NOL10: variants seen among roughly 807,000 people sequenced by gnomAD.
NOL10 encodes the protein nucleolar protein 10.
Under a neutral mutation model 103.5 loss-of-function variants are expected in NOL10, and 58 were observed. That is an observed-to-expected ratio of 0.56 (90% confidence interval 0.45 to 0.70). NOL10 has a LOEUF of 0.70. Ranked by LOEUF, NOL10 falls within the 30% of genes least tolerant of loss-of-function variation. The probability of loss-of-function intolerance (pLI) is 0.00; values close to 1 mark genes in which losing one functional copy is unlikely to be tolerated. For missense variants in NOL10, 763 were observed against 807.3 expected, an observed-to-expected ratio of 0.95 and a Z score of 0.67; for synonymous variants, 287 against 282.5, an observed-to-expected ratio of 1.02 and a Z score of -0.16.
chr2:10,629,954 A>AT (rs1443606908), intron 13 of NOL10, among the ~76,000 whole-genome samples: 1 of 152,140 alleles, frequency 6.6e-6, no homozygotes, highest in African/African-American at 2.4e-5. Flanking sequence ...TGCCCAGCTA[A>AT]TTTTTTAAAA....
chr2:10,646,022 T>A (rs1338510516), intron 12 of NOL10, among the ~76,000 whole-genome samples: 1 of 151,908 alleles, frequency 6.6e-6, no homozygotes, highest in African/African-American at 2.4e-5. Flanking sequence ...AAGAATAATG[T>A]CTAAATTAAA....
rs748647508 is a variant in NOL10 at position 10,659,198 on chromosome 2, T to C, written c.730A>G (p.Met244Val). 5 of 1,605,100 alleles carry C rather than the reference T, an allele frequency of 3.1e-6. No homozygotes were observed. Among genetic ancestry groups the C allele is most frequent in the Admixed American group, 1.7e-5 (1 of 58,746 alleles). ...SALKFNGALT[M>V]AVGTTTGQVL... ...TGCCCTGTGGTTGTTCCAACTGCCA[T>C]GGTCAAGGCACCATTAAATTTCAAA... The change falls in exon 10 of 21, where the codon ATG becomes GTG. Residue 244 changes from methionine (M) to valine (V), a missense_variant. Transcript: ENST00000381685.
chr2:10,657,729 C>T lies in NOL10; in HGVS notation c.906+13G>A. 6.5e-7 allele frequency: 1 copy of T among 1,543,152 alleles called. No homozygotes were observed. Among genetic ancestry groups the T allele is most frequent in the Non-Finnish European group, 8.7e-7 (1 of 1,142,918 alleles). On this transcript the variant is annotated intron_variant, in intron 11 of 20. Coordinates refer to ENST00000381685, the MANE Select transcript of NOL10 (RefSeq NM_024894.4). ...AAATAAAGAAGCAAGTAATTTCAACCAAAAATACATACGGAGTTCTTATTC... is the reference window on the plus strand; with the variant it reads ...AAATAAAGAAGCAAGTAATTTCAACTAAAAATACATACGGAGTTCTTATTC...
chr2:10,597,010 C>A lies in NOL10; in HGVS notation c.1422+3843G>T, dbSNP rs115457277. On this transcript the variant is annotated intron_variant, in intron 17 of 20. Coordinates refer to ENST00000381685, the MANE Select transcript of NOL10 (RefSeq NM_024894.4). ...AAAGAGATGCTGTCTTGCCCTGTAG[C>A]CCAGGCTGCAGTACAGTGGTGTGAT... Among the ~76,000 whole-genome samples the A allele has an allele frequency of 9.5e-3, 1,450 of 152,112 alleles. 31 individuals are homozygous for A. The highest frequency in any genetic ancestry group is 0.033 in the African/African-American group (1,387 of 41,506).
At chr2:10,624,073 CT>C (rs769379477) in intron 13 of NOL10, among the ~76,000 whole-genome samples, 11 of 152,088 alleles carry the variant, frequency 7.2e-5, no homozygotes, top group African/African-American at 1.2e-4. Context: ...CCCTGTCTTC[CT>C]CTCTGTTAGG....
rs749005058 is a variant in NOL10, at chr2:10,673,566, CAAGA to C, written c.290-13_290-10del. The C allele has an allele frequency of 4.5e-6, 7 of 1,562,860 alleles. No individual in the cohort carries two copies. The highest frequency in any genetic ancestry group is 8.7e-7 in the Non-Finnish European group (1 of 1,143,194). ...AATTTCAAAGGTGACAACTGAAAAA[CAAGA>C]AATAGGAAAAATACAATTATCAAAC... is the stretch of plus-strand genomic sequence containing the variant. On this transcript the variant is annotated splice_polypyrimidine_tract_variant and intron_variant, in intron 4 of 20. Coordinates refer to ENST00000381685, the MANE Select transcript of NOL10 (RefSeq NM_024894.4).
chr2:10,681,743 T>C (rs891205802), intron 3 of NOL10, among the ~76,000 whole-genome samples: 1 of 152,178 alleles, frequency 6.6e-6, no homozygotes, highest in African/African-American at 2.4e-5. Context: ...GACTGATACA[T>C]GAACAAAGAG....
intron 17 of NOL10, among the ~76,000 whole-genome samples, chr2:10,592,614 C>T (rs537892914): frequency 1.3e-5 from 2 of 152,102 alleles, no homozygotes; most frequent in Non-Finnish European, 2.9e-5. Flanking sequence ...TAAAAAAACC[C>T]AAGGGCAAAT....
In NOL10 at chr2:10,587,098, C is replaced by CATATATATAT. The variant is rs1450691017; in HGVS notation, c.1844+1944_1844+1945insATATATATAT. Among the ~76,000 whole-genome samples, 3 of 44,090 alleles carry CATATATATAT rather than the reference C, an allele frequency of 6.8e-5. No homozygotes were observed. The Admixed American group carries it at 8.2e-4, about 12-fold the overall frequency. The allele number at this position is 44,090 out of a possible 152,430, so 28.9% of individuals were successfully genotyped here. On this transcript the variant is annotated intron_variant, in intron 19 of 20. Transcript: ENST00000381685. The stretch of plus-strand genomic sequence containing the variant: ...ATATACATATATATACATATATATA[C>CATATATATAT]ACATATATATACATATATATACATA...
chr2:10,638,298 G>A (rs879507128), intron 13 of NOL10, among the ~76,000 whole-genome samples: 2 of 95,306 alleles, frequency 2.1e-5, no homozygotes, highest in African/African-American at 4.6e-5. Flanking sequence ...CAAAAATAAC[G>A]TAACGTGACG....
Position 10,644,345 on chromosome 2 carries a change from G to C in NOL10, c.1001C>G (p.Pro334Arg). 6.5e-7 allele frequency: 1 copy of C among 1,539,984 alleles called. No homozygotes were observed. Among genetic ancestry groups the C allele is most frequent in the Non-Finnish European group, 8.7e-7 (1 of 1,143,366 alleles). ...TGGAATGTAATAGATGCCCATCTTGGGGGTTTCATTGGCCGTCAGAAGCAT... is the reference window on the plus strand; with the variant it reads ...TGGAATGTAATAGATGCCCATCTTGCGGGTTTCATTGGCCGTCAGAAGCAT... ...SGMLLTANET[P>R]KMGIYYIPVL... The change falls in exon 13 of 21, where the codon CCC becomes CGC. Residue 334 changes from proline to arginine, a missense_variant. By Grantham distance (103) the Pro-to-Arg change is moderately radical (BLOSUM62 -2). Coordinates refer to ENST00000381685, the MANE Select transcript of NOL10 (RefSeq NM_024894.4).
At chr2:10,606,194 T>C (rs1275804499) in intron 14 of NOL10, among the ~76,000 whole-genome samples, 1 of 150,144 alleles carries the variant, frequency 6.7e-6, no homozygotes, top group African/African-American at 2.5e-5. Flanking sequence ...TCAAGTTTAC[T>C]ACCACTGAAA....
intron 3 of NOL10, among the ~76,000 whole-genome samples, chr2:10,676,841 T>C (rs919158454): frequency 1.3e-5 from 2 of 152,006 alleles, no homozygotes; most frequent in East Asian, 3.9e-4. Flanking sequence ...TATCACCATG[T>C]TGGTCAGGCT....
intron 13 of NOL10, among the ~76,000 whole-genome samples, chr2:10,642,478 C>T (rs935793756): frequency 2.0e-5 from 3 of 152,124 alleles, no homozygotes; most frequent in African/African-American, 4.8e-5. Flanking sequence ...CTGATCCTAT[C>T]CCCCCGCTTA....
chr2:10,626,643 T>A (rs868107892), intron 13 of NOL10, among the ~76,000 whole-genome samples: 12 of 151,974 alleles, frequency 7.9e-5, no homozygotes, highest in African/African-American at 2.9e-4. Context: ...CTATATCTCA[T>A]CCAAAATAAG....
intron 19 of NOL10, among the ~76,000 whole-genome samples, chr2:10,586,425 T>A (rs1675025030): frequency 1.3e-5 from 2 of 152,346 alleles, no homozygotes; most frequent in South Asian, 4.1e-4. Flanking sequence ...AATTGTATGT[T>A]ACATAAATTA....
At chr2:10,641,433 GTAGTTA>G (rs1678691028) in intron 13 of NOL10, among the ~76,000 whole-genome samples, 1 of 151,798 alleles carries the variant, frequency 6.6e-6, no homozygotes, top group African/African-American at 2.4e-5. Context: ...AATATTAATG[GTAGTTA>G]TAGTATTATC....
At chr2:10,610,240 T>C (rs888196974) in intron 13 of NOL10, among the ~76,000 whole-genome samples, 3 of 152,208 alleles carry the variant, frequency 2.0e-5, no homozygotes, top group Non-Finnish European at 2.9e-5. Context: ...AAAAAGATTA[T>C]ACTGTGTGCA....
At chr2:10,658,556 G>C (rs369024725) in intron 10 of NOL10, among the ~76,000 whole-genome samples, 10 of 151,778 alleles carry the variant, frequency 6.6e-5, no homozygotes, top group Middle Eastern at 3.4e-3. Flanking sequence ...ATGTGCTATA[G>C]TTAATGATGC....
Sources: gnomAD v4.1 joint callset for allele counts (sites outside exome capture counted in the v4.1 genomes callset) on GRCh38, gnomAD v4.1.1 for gene constraint, MANE v1.5 for transcripts, NCBI Gene and HGNC (gene_info 2026-07-23, HGNC 2026-07-21) for gene names.